RARB: variants seen among roughly 807,000 people sequenced by gnomAD.
The protein encoded by RARB is retinoic acid receptor beta.
In RARB, 17 loss-of-function variants were observed where a neutral mutation model predicts 51.9. That is an observed-to-expected ratio of 0.33 (90% CI 0.22 to 0.49). The LOEUF is 0.49. Among genes scored for constraint, RARB ranks in the 20% least tolerant of loss-of-function variants. The pLI, the probability that RARB is intolerant of heterozygous loss-of-function variation, is 0.99. For missense variants in RARB, 369 were observed against 550.8 expected (o/e 0.67, Z 3.30); for synonymous variants, 215 against 195.4 (o/e 1.10, Z -0.84).
At chr3:25,140,920 A>C (rs1408035984) in intron 4 of RARB, among the ~76,000 whole-genome samples, 2 of 152,174 alleles carry the variant, frequency 1.3e-5, no homozygotes, top group African/African-American at 2.4e-5. Flanking sequence ...TTAACAATAA[A>C]CTATTTTAAA....
At chr3:25,457,364 A>C (rs886314648) in intron 1 of RARB, among the ~76,000 whole-genome samples, 2 of 152,246 alleles carry the variant, frequency 1.3e-5, no homozygotes, top group Non-Finnish European at 2.9e-5. Flanking sequence ...ATGATTGAAC[A>C]CATGAACAGT....
chr3:25,425,101 A>G (rs1707954725), upstream of RARB, among the ~76,000 whole-genome samples: 1 of 152,342 alleles, frequency 6.6e-6, no homozygotes, highest in Non-Finnish European at 1.5e-5. Flanking sequence ...GAAAATAGAG[A>G]TGACACATAT....
At position 25,428,832 on chromosome 3, in the gene RARB, A is replaced by G; in HGVS notation, c.101A>G (p.Lys34Arg). The change falls in exon 1 of 8, where the codon AAA (lysine) becomes AGA (arginine). Residue 34 changes from lysine (K) to arginine (R), a missense_variant. Physicochemically the swap from Lys to Arg is conservative, Grantham distance 26. Around this residue, in one of 9 missense-constraint regions of RARB, gnomAD observed 99 missense variants for 95.1 expected, o/e 1.04. Coordinates refer to ENST00000330688, the MANE Select transcript of RARB (RefSeq NM_000965.5). ...SSCMLQEKAL[K>R]ACFSGLTQTE... The stretch of plus-strand genomic sequence containing the variant: ...TGCATGCTCCAGGAGAAAGCTCTCA[A>G]AGCATGCTTCAGTGGATTGACCCAA... 4 of 1,614,142 alleles carry G rather than the reference A, an allele frequency of 2.5e-6. No homozygotes were observed. The highest frequency in any genetic ancestry group is 3.4e-6 in the Non-Finnish European group (4 of 1,180,018).
intron 2 of RARB, among the ~76,000 whole-genome samples, chr3:25,016,657 G>A (rs1019360154): frequency 3.9e-5 from 6 of 152,136 alleles, no homozygotes; most frequent in African/African-American, 9.7e-5. Context: ...CTGGGGGAAC[G>A]TAATTTCCAT....
chr3:25,470,340 T>C (rs1695623985), intron 2 of RARB, among the ~76,000 whole-genome samples: 1 of 152,200 alleles, frequency 6.6e-6, no homozygotes, highest in Non-Finnish European at 1.5e-5. Context: ...ATGGTAAATA[T>C]TCATTGGATG....
At chr3:25,590,758 G>T (rs545883319) in intron 5 of RARB, among the ~76,000 whole-genome samples, 2 of 152,296 alleles carry the variant, frequency 1.3e-5, no homozygotes, top group South Asian at 4.1e-4. Context: ...GACTGCAGAT[G>T]ATCTATCCGC....
chr3:25,384,319 T>A (rs1706729993), intron 5 of RARB, among the ~76,000 whole-genome samples: 1 of 152,140 alleles, frequency 6.6e-6, no homozygotes, highest in South Asian at 2.1e-4. Context: ...CCTCCCTCCC[T>A]CTCTCCTAAG....
At chr3:25,546,983 G>A (rs895788942) in intron 3 of RARB, among the ~76,000 whole-genome samples, 1 of 152,152 alleles carries the variant, frequency 6.6e-6, no homozygotes, top group African/African-American at 2.4e-5. Flanking sequence ...TTTGCTTAGT[G>A]GAGGATGGGG....
In RARB at chr3:25,106,451, G is replaced by GGTTT. The variant is rs1575163102; in HGVS notation, c.-327-25710_-327-25709insGTTT. Among the ~76,000 whole-genome samples, 173 of 70,510 alleles carry GGTTT rather than the reference G, an allele frequency of 2.5e-3. 22 individuals carry two copies. Among genetic ancestry groups the GGTTT allele is most frequent in the African/African-American group, 7.9e-3 (127 of 16,168 alleles). The allele number at this position is 70,510 out of a possible 152,430, so 46.3% of individuals were successfully genotyped here. A position where few individuals can be genotyped will look rare whatever the true frequency, so the allele number is the denominator to read the frequency against. ...CCACCATGCCCAGCTACTGTTTTTT[G>GGTTT]TTTTTTGTTTTTTTTTGTTTTGTTT... is the stretch of plus-strand genomic sequence containing the variant. On this transcript the variant is annotated intron_variant, in intron 3 of 11. Transcript: ENST00000383772.
At chr3:25,550,129 C>T (rs970225241) in intron 3 of RARB, among the ~76,000 whole-genome samples, 2 of 152,186 alleles carry the variant, frequency 1.3e-5, no homozygotes, top group African/African-American at 4.8e-5. Flanking sequence ...CCTGGGAACA[C>T]TTGCTGCTTA....
intron 1 of RARB, among the ~76,000 whole-genome samples, chr3:25,440,776 C>T (rs566764832): frequency 2.6e-5 from 4 of 151,238 alleles, no homozygotes; most frequent in African/African-American, 9.7e-5. Flanking sequence ...CCGTCCCCCC[C>T]AAAAATAAAA....
intron 5 of RARB, among the ~76,000 whole-genome samples, chr3:25,383,930 C>CAA (rs11401651): frequency 0.011 from 1,355 of 128,524 alleles, 27 homozygotes; most frequent in East Asian, 0.073. Context: ...GACTTTGTCT[C>CAA]AAAAAAAAAA....
chr3:25,428,249 ATCTT>A (rs1469111353), upstream of RARB: 52 of 1,232,304 alleles, frequency 4.2e-5, no homozygotes, highest in Non-Finnish European at 4.7e-5. Flanking sequence ...AGGCAATTCA[ATCTT>A]TCATTCTGTG....
chr3:25,257,902 A>G (rs952066893), intron 5 of RARB, among the ~76,000 whole-genome samples: 1 of 152,058 alleles, frequency 6.6e-6, no homozygotes, highest in Non-Finnish European at 1.5e-5. Flanking sequence ...AGCACAAATC[A>G]TGTGTCTACT....
At chr3:25,452,238 A>C (rs1282722975) in intron 1 of RARB, among the ~76,000 whole-genome samples, 1 of 152,242 alleles carries the variant, frequency 6.6e-6, no homozygotes, top group African/African-American at 2.4e-5. Context: ...ATGTCATGCA[A>C]AACAACCTAT....
At chr3:24,930,094 G>T (rs1695407223) in intron 2 of RARB, among the ~76,000 whole-genome samples, 1 of 151,934 alleles carries the variant, frequency 6.6e-6, no homozygotes, top group Non-Finnish European at 1.5e-5. Context: ...AATAATAGCG[G>T]GATTTTTTTA....
intron 5 of RARB, among the ~76,000 whole-genome samples, chr3:25,392,874 CT>C (rs887170307): frequency 2.0e-5 from 3 of 151,998 alleles, no homozygotes; most frequent in Non-Finnish European, 4.4e-5. Flanking sequence ...TTTAGATGCC[CT>C]TTATTTCTTT....
rs150387247 is a variant in RARB, at chr3:25,283,507, G to A, written c.178+108932G>A. Among the ~76,000 whole-genome samples the A allele has an allele frequency of 9.1e-3, 1,391 of 152,316 alleles. 16 individuals are homozygous for A. The highest frequency in any genetic ancestry group is 0.034 in the Middle Eastern group (10 of 294). On this transcript the variant is annotated intron_variant, in intron 5 of 11. Coordinates refer to the RARB transcript ENST00000383772. ...CCACATCAATCTGACAGGAGGCCAC[G>A]TAATTGCTGAAATTAAAACATAATA... is the stretch of plus-strand genomic sequence containing the variant.
At chr3:25,035,156 C>G (rs575240060) in intron 2 of RARB, among the ~76,000 whole-genome samples, 1 of 152,292 alleles carries the variant, frequency 6.6e-6, no homozygotes, top group African/African-American at 2.4e-5. Context: ...GGGTCTTACT[C>G]TATCACTCGG....
Sources: gnomAD v4.1 joint callset for allele counts (sites outside exome capture counted in the v4.1 genomes callset) on GRCh38, gnomAD v4.1.1 for gene constraint, gnomAD v4.1.1 regional missense constraint, MANE v1.5 for transcripts, NCBI Gene and HGNC (gene_info 2026-07-23, HGNC 2026-07-21) for gene names.